Variants in TPRG1 observed in about 807,000 individuals in gnomAD.
TPRG1 encodes tumor protein p63-regulated gene 1 protein.
In TPRG1, 29 loss-of-function variants were observed where a neutral mutation model predicts 29.3. The observed-to-expected ratio is 0.99, with a 90% CI of 0.74 to 1.35. The LOEUF is 1.35. Ranked by LOEUF, TPRG1 falls within the 40% of genes most tolerant of loss-of-function variation. The pLI, the probability that TPRG1 is intolerant of heterozygous loss-of-function variation, is 0.00. For missense variants in TPRG1, 327 were observed against 335.0 expected (o/e 0.98, Z 0.19); for synonymous variants, 130 against 116.8 (o/e 1.11, Z -0.73).
At chr3:189,049,556 C>CT (rs1326799287) in intron 4 of TPRG1, among the ~76,000 whole-genome samples, 1 of 152,294 alleles carries the variant, frequency 6.6e-6, no homozygotes, top group East Asian at 1.9e-4. Flanking sequence ...CGGTCCTTCC[C>CT]TATCCACACA....
At chr3:189,188,826 C>T (rs1243069718) in intron 1 of TPRG1, among the ~76,000 whole-genome samples, 1 of 152,188 alleles carries the variant, frequency 6.6e-6, no homozygotes, top group Non-Finnish European at 1.5e-5. Context: ...TTCCTGTATG[C>T]AGCCTTTGCA....
chr3:189,291,814 C>T (rs1332343004), intron 4 of TPRG1, among the ~76,000 whole-genome samples: 1 of 152,176 alleles, frequency 6.6e-6, no homozygotes, highest in Non-Finnish European at 1.5e-5. Context: ...CACTGACACA[C>T]CAATTGGGAG....
chr3:189,011,500 C>A (rs1178528765), intron 3 of TPRG1, among the ~76,000 whole-genome samples: 1 of 152,152 alleles, frequency 6.6e-6, no homozygotes, highest in East Asian at 1.9e-4. Context: ...GGATGCCTCT[C>A]AATCATGGCA....
At chr3:189,179,551 T>A (rs1041072356) in intron 1 of TPRG1, among the ~76,000 whole-genome samples, 1 of 152,224 alleles carries the variant, frequency 6.6e-6, no homozygotes, top group African/African-American at 2.4e-5. Flanking sequence ...TTGCACACTA[T>A]ACAGATTATT....
chr3:189,266,244 T>G (rs1030444621), intron 4 of TPRG1, among the ~76,000 whole-genome samples: 2 of 152,226 alleles, frequency 1.3e-5, no homozygotes, highest in African/African-American at 4.8e-5. Context: ...TCCAAATGTA[T>G]TAGCTTCCTT....
intron 4 of TPRG1, among the ~76,000 whole-genome samples, chr3:189,308,559 G>C (rs1721972575): frequency 6.6e-6 from 1 of 152,268 alleles, no homozygotes; most frequent in African/African-American, 2.4e-5. Flanking sequence ...AAGAAGGTTG[G>C]CTGAACTTGC....
chr3:189,181,281 A>T (rs1360032058), intron 1 of TPRG1, among the ~76,000 whole-genome samples: 2 of 152,180 alleles, frequency 1.3e-5, no homozygotes, highest in Non-Finnish European at 1.5e-5. Context: ...TTACTTATCC[A>T]AATTTCTGCA....
At chr3:189,275,243 C>T (rs984681226) in intron 4 of TPRG1, among the ~76,000 whole-genome samples, 1 of 151,958 alleles carries the variant, frequency 6.6e-6, no homozygotes, top group South Asian at 2.1e-4. Context: ...ATAGAATAAC[C>T]ATGCAATGAG....
At chr3:189,212,816 C>G (rs1004336810) in intron 2 of TPRG1, among the ~76,000 whole-genome samples, 1 of 152,108 alleles carries the variant, frequency 6.6e-6, no homozygotes, top group African/African-American at 2.4e-5. Context: ...CTCATTACAT[C>G]GAGAAAAATT....
chr3:189,100,028 G>C (rs866553862), upstream of TPRG1: 1 of 152,182 alleles, frequency 6.6e-6, no homozygotes, highest in Non-Finnish European at 1.5e-5. Flanking sequence ...TCCCTTTCAC[G>C]AATCAAGACG....
At chr3:189,318,416 T>C (rs1437720696) in intron 5 of TPRG1, among the ~76,000 whole-genome samples, 3 of 152,268 alleles carry the variant, frequency 2.0e-5, no homozygotes, top group South Asian at 2.1e-4. Context: ...GAAGGCATTG[T>C]GGAAGATACA....
chr3:189,183,806 T>C (rs541772669), intron 1 of TPRG1, among the ~76,000 whole-genome samples: 6 of 151,848 alleles, frequency 4.0e-5, no homozygotes, highest in Non-Finnish European at 8.8e-5. Context: ...TTTCATATTG[T>C]TTAAACACAC....
Position 189,207,360 on chromosome 3 carries a change from T to C in TPRG1, c.-9-16T>C. 2 of 1,613,542 alleles carry C rather than the reference T, an allele frequency of 1.2e-6. No homozygotes were observed. Among genetic ancestry groups the C allele is most frequent in the Non-Finnish European group, 1.7e-6 (2 of 1,179,598 alleles). ...GGTAACATTTTTTCAATGAGATTTT[T>C]CTGCCCTTGGTTTAGGCTGAAGAAA... is the stretch of plus-strand genomic sequence containing the variant. On this transcript the variant is annotated splice_polypyrimidine_tract_variant and intron_variant, in intron 1 of 5. Transcript: ENST00000345063.
intron 2 of TPRG1, among the ~76,000 whole-genome samples, chr3:189,131,383 TTATA>T (rs950632595): frequency 6.6e-6 from 1 of 151,886 alleles, no homozygotes; most frequent in East Asian, 1.9e-4. Flanking sequence ...ATATGTGTGT[TTATA>T]TATATATAGT....
intron 4 of TPRG1, among the ~76,000 whole-genome samples, chr3:189,281,860 A>G (rs914178045): frequency 3.9e-5 from 6 of 152,050 alleles, no homozygotes; most frequent in African/African-American, 1.4e-4. Flanking sequence ...CTTGAAAGAC[A>G]CCCACAAGAG....
At chr3:189,159,815 T>C (rs980704494) in intron 5 of TPRG1, among the ~76,000 whole-genome samples, 1 of 149,100 alleles carries the variant, frequency 6.7e-6, no homozygotes, top group African/African-American at 2.5e-5. Context: ...TTGAGGTAGA[T>C]AATGCTTTCA....
chr3:189,112,560 T>A (rs1413749833), intron 1 of TPRG1, among the ~76,000 whole-genome samples: 1 of 152,206 alleles, frequency 6.6e-6, no homozygotes, highest in Non-Finnish European at 1.5e-5. Context: ...GTATAAGGTG[T>A]AAGGAAGGGA....
rs373272255 is a variant in TPRG1, at chr3:189,198,947, AT to A, written c.-9-8423del. Among the ~76,000 whole-genome samples the A allele has an allele frequency of 5.9e-3, 898 of 152,314 alleles. 10 individuals carry two copies. The highest frequency in any genetic ancestry group is 0.019 in the African/African-American group (787 of 41,570). On this transcript the variant is annotated intron_variant, in intron 1 of 5. Coordinates refer to ENST00000345063, the MANE Select transcript of TPRG1 (RefSeq NM_198485.4). ...GTCTTTATCATTTTCTTCTTTATGT[AT>A]TTTTTGAGAAAATCTCTCTAAAAAT...
At chr3:189,190,090 T>A (rs1389015632) in intron 1 of TPRG1, among the ~76,000 whole-genome samples, 1 of 152,188 alleles carries the variant, frequency 6.6e-6, no homozygotes, top group Non-Finnish European at 1.5e-5. Context: ...ACCAATGAAG[T>A]TCTTAGATAC....
Sources: gnomAD v4.1 joint callset for allele counts (sites outside exome capture counted in the v4.1 genomes callset) on GRCh38, gnomAD v4.1.1 for gene constraint, MANE v1.5 for transcripts, NCBI Gene and HGNC (gene_info 2026-07-23, HGNC 2026-07-21) for gene names.